Variants in XRN2 observed in about 807,000 individuals in gnomAD.
The protein encoded by XRN2 is DHM1-like protein.
A neutral mutation model predicts 138.5 loss-of-function variants in XRN2; 44 were observed. The observed-to-expected ratio is 0.32, with a 90% CI of 0.25 to 0.41. The LOEUF (loss-of-function observed/expected upper bound fraction) is 0.41. Ranked by LOEUF, XRN2 falls within the 10% of genes least tolerant of loss-of-function variation. XRN2 has a pLI of 1.00. For synonymous variants in XRN2, 354 were observed against 369.4 expected, an observed-to-expected ratio of 0.96 and a Z score of 0.48; for missense variants, 937 against 1,169.3, an observed-to-expected ratio of 0.80 and a Z score of 2.90.
chr20:21,358,662 G>A (rs2038602724), intron 24 of XRN2, among the ~76,000 whole-genome samples: 1 of 152,038 alleles, frequency 6.6e-6, no homozygotes, highest in Non-Finnish European at 1.5e-5. Context: ...AATGGATTCA[G>A]GTAGTAAATG....
chr20:21,386,161 TCGA>T (rs946600425), intron 28 of XRN2, among the ~76,000 whole-genome samples: 17 of 152,246 alleles, frequency 1.1e-4, no homozygotes, highest in Non-Finnish European at 2.1e-4. Context: ...AACATTTCTT[TCGA>T]CTAGTAATCT....
intron 1 of XRN2, among the ~76,000 whole-genome samples, chr20:21,309,243 A>G (rs151149963): frequency 1.1e-4 from 17 of 152,336 alleles, no homozygotes; most frequent in African/African-American, 4.1e-4. Flanking sequence ...GTTTCTTCCT[A>G]AAATGTTTGA....
chr20:21,371,228 C>T (rs573223959), intron 27 of XRN2, among the ~76,000 whole-genome samples: 2 of 152,274 alleles, frequency 1.3e-5, no homozygotes, highest in East Asian at 3.9e-4. Context: ...ACCAGAAGTC[C>T]AGATTTTCTG....
At chr20:21,347,139 G>A (rs546470886) in intron 17 of XRN2, among the ~76,000 whole-genome samples, 13 of 152,308 alleles carry the variant, frequency 8.5e-5, no homozygotes, top group South Asian at 2.1e-4. Context: ...GATGACGAAA[G>A]GTTAGTGCTT....
intron 22 of XRN2, 130 bp from the exon 23 acceptor site, chr20:21,356,456 T>C: frequency 1.4e-6 from 1 of 716,580 alleles, no homozygotes; most frequent in Admixed American, 3.1e-5. Flanking sequence ...CACTTATCTA[T>C]TGGTAAATAT....
At chr20:21,366,147 AATAT>A (rs1487286616) in intron 26 of XRN2, among the ~76,000 whole-genome samples, 1 of 54,696 alleles carries the variant, frequency 1.8e-5, no homozygotes, top group East Asian at 8.7e-4. Context: ...AACATATATA[AATAT>A]ATATTTATAG....
chr20:21,358,942 A>T (rs535221631), intron 24 of XRN2, among the ~76,000 whole-genome samples: 27 of 152,360 alleles, frequency 1.8e-4, no homozygotes, highest in Middle Eastern at 3.4e-3. Flanking sequence ...CTTTCATTAA[A>T]GCATTGGCGC....
chr20:21,324,071 A>G (rs891458448), intron 1 of XRN2, among the ~76,000 whole-genome samples: 2 of 152,130 alleles, frequency 1.3e-5, no homozygotes, highest in Non-Finnish European at 2.9e-5. Context: ...GAAGAGGCAG[A>G]GAGCCTCTTG....
At chr20:21,321,347 G>T (rs2038041803) in intron 1 of XRN2, among the ~76,000 whole-genome samples, 1 of 119,466 alleles carries the variant, frequency 8.4e-6, no homozygotes, top group Non-Finnish European at 1.8e-5. Flanking sequence ...GTGTGTGTGT[G>T]TGTAGGGTCT....
At chr20:21,371,298 T>A (rs932063375) in intron 27 of XRN2, among the ~76,000 whole-genome samples, 1 of 152,192 alleles carries the variant, frequency 6.6e-6, no homozygotes. Context: ...GCCCTCTGTT[T>A]TTAGTGTATT....
chr20:21,363,161 TAC>T (rs1375049480), intron 24 of XRN2, among the ~76,000 whole-genome samples: 1 of 152,222 alleles, frequency 6.6e-6, no homozygotes, highest in African/African-American at 2.4e-5. Context: ...GGAAGGTGTA[TAC>T]ACACACATGC....
chr20:21,318,369 T>C (rs2037989961), intron 1 of XRN2, among the ~76,000 whole-genome samples: 1 of 152,164 alleles, frequency 6.6e-6, no homozygotes, highest in South Asian at 2.1e-4. Flanking sequence ...TTTAAACAAC[T>C]AGCTTTGTTG....
chr20:21,380,023 C>T (rs376395721), intron 27 of XRN2, among the ~76,000 whole-genome samples: 4 of 152,144 alleles, frequency 2.6e-5, no homozygotes, highest in East Asian at 1.9e-4. Flanking sequence ...TGGAAGCTTT[C>T]GTAAGTACCA....
intron 20 of XRN2, among the ~76,000 whole-genome samples, chr20:21,353,794 TA>T (rs11483541): frequency 1.6e-3 from 218 of 138,922 alleles, no homozygotes; most frequent in Middle Eastern, 3.8e-3. Context: ...GACCCTATCT[TA>T]AAAAAAAAAA....
At chr20:21,330,427 A>G (rs758788517) in intron 4 of XRN2, 54 bp from the exon 5 acceptor site, 106 of 1,584,814 alleles carry the variant, frequency 6.7e-5, no homozygotes, top group Non-Finnish European at 8.8e-5. Context: ...CTTAATGTTG[A>G]GTAATTTATC....
At chr20:21,319,670 A>G (rs2038010727) in intron 1 of XRN2, among the ~76,000 whole-genome samples, 1 of 152,144 alleles carries the variant, frequency 6.6e-6, no homozygotes, top group Admixed American at 6.5e-5. Context: ...AATACATGCT[A>G]AAATTTATTG....
intron 4 of XRN2, 85 bp from the exon 5 acceptor site, chr20:21,330,396 T>A (rs2038190713): frequency 2.1e-6 from 3 of 1,428,702 alleles, no homozygotes; most frequent in Non-Finnish European, 2.9e-6. Context: ...GTAGTGGAAC[T>A]TTTTGTTTTT....
rs1301090978 is a variant in XRN2, at chr20:21,380,023, CG to C, written c.2585-1970del. ...ATTAGGGAGCCACTGTGGAAGCTTT[CG>C]TAAGTACCATGGAGAATGTGTATCC... On this transcript the variant is annotated intron_variant, in intron 27 of 29. Coordinates refer to ENST00000377191, the MANE Select transcript of XRN2 (RefSeq NM_012255.5). Among the ~76,000 whole-genome samples, 3 of 152,144 alleles carry C rather than the reference CG, an allele frequency of 2.0e-5. No individual in the cohort carries two copies. In the East Asian group the frequency reaches 5.8e-4, roughly 29 times the overall value.
chr20:21,309,944 T>C (rs1039455038), intron 1 of XRN2, among the ~76,000 whole-genome samples: 8 of 152,202 alleles, frequency 5.3e-5, no homozygotes, highest in Non-Finnish European at 8.8e-5. Context: ...TTTTCTGTTT[T>C]CTATTTCTTT....
Sources: gnomAD v4.1 joint callset for allele counts (sites outside exome capture counted in the v4.1 genomes callset) on GRCh38, gnomAD v4.1.1 for gene constraint, MANE v1.5 for transcripts, NCBI Gene and HGNC (gene_info 2026-07-23, HGNC 2026-07-21) for gene names.